Variants in KMT2B observed in about 807,000 individuals in gnomAD.
KMT2B encodes the protein histone-lysine N-methyltransferase 2B.
KMT2B carries 22 observed loss-of-function variants against 255.3 expected under a neutral mutation model. That is an observed-to-expected ratio of 0.09 (90% confidence interval 0.06 to 0.12). The LOEUF (loss-of-function observed/expected upper bound fraction) is 0.12. Ranked by LOEUF, KMT2B falls within the 10% of genes least tolerant of loss-of-function variation. The pLI is 1.00. For synonymous variants in KMT2B, 1,730 were observed against 1,498.1 expected (o/e 1.15, Z -3.57); for missense variants, 3,149 against 3,737.0 (o/e 0.84, Z 4.10).
At chr19:35,721,933 G>T in intron 3 of KMT2B, 129 bp downstream of exon 3, 5 of 1,266,602 alleles carry the variant, frequency 3.9e-6, no homozygotes, top group Non-Finnish European at 5.3e-6. Context: ...GCCTTTCTGT[G>T]ATCCCCCACC....
intron 2 of KMT2B, 37 bp downstream of exon 2, chr19:35,719,578 A>G: frequency 1.3e-6 from 2 of 1,564,236 alleles, no homozygotes; most frequent in African/African-American, 1.4e-5. Flanking sequence ...TTAGCGTCAC[A>G]GGAATTTATC....
Position 35,720,452 on chromosome 19 carries a change from AAAG to A in KMT2B, c.1117_1119del (p.Glu373del), listed in dbSNP as rs201152143. 4,697 of 1,551,912 alleles carry A rather than the reference AAAG, an allele frequency of 3.0e-3. 134 individuals carry two copies. In the African/African-American group the frequency reaches 0.054, roughly 18 times the overall value. On this transcript the variant is annotated inframe_deletion, in exon 3 of 37. Transcript: ENST00000420124. Reference sequence around the variant, plus strand: ...GCTGGATGACGAGGAAGAAGAGAAGAAAGAAGAAGAAGAAAAAGACAAGGAGGG... The same window carrying A: ...GCTGGATGACGAGGAAGAAGAGAAGAAAGAAGAAGAAAAAGACAAGGAGGG...
intron 8 of KMT2B, 135 bp downstream of exon 8, chr19:35,724,142 G>A (rs1969330870): frequency 3.7e-6 from 3 of 807,304 alleles, no homozygotes; most frequent in African/African-American, 3.5e-5. Flanking sequence ...GGAGGAGACA[G>A]TTTTTAGGTG....
Position 35,736,677 on chromosome 19 carries a change from T to C in KMT2B, c.7160-13T>C, listed in dbSNP as rs1006924067. 1 of 1,612,874 alleles carries C rather than the reference T, an allele frequency of 6.2e-7. No individual in the cohort carries two copies. The highest frequency in any genetic ancestry group is 1.3e-5 in the African/African-American group (1 of 74,886). On this transcript the variant is annotated splice_polypyrimidine_tract_variant and intron_variant, in intron 30 of 36. Transcript: ENST00000420124. ...AAGGGTGATCTTCACTCCAACCTGC[T>C]TCTTGGGACCAGGTGAGGCTTCGAG...
At chr19:35,728,489 TG>T (rs1157693963) in intron 19 of KMT2B, among the ~76,000 whole-genome samples, 5 of 12,314 alleles carry the variant, frequency 4.1e-4, no homozygotes, top group Non-Finnish European at 6.6e-4. Context: ...CAGGGGGCGG[TG>T]GGGGCCCGGA....
At position 35,720,954 on chromosome 19, in the gene KMT2B, C is replaced by T. The variant is rs748289035; in HGVS notation, c.1607C>T (p.Ser536Phe). Residue 536 changes from serine (S) to phenylalanine (F), a missense_variant, in exon 3 of 37, where the codon TCC becomes TTC. Ser to Phe is a radical substitution (Grantham distance 155, BLOSUM62 -2). Transcript: ENST00000420124. ...QFIMPVVSAR[S>F]SRVIKTPRRF... ...ATTATGCCTGTGGTGAGTGCCCGCT[C>T]CTCCCGTGTCATCAAGACACCCCGG... 6.2e-7 allele frequency: 1 copy of T among 1,612,272 alleles called. No individual in the cohort carries two copies. Among genetic ancestry groups the T allele is most frequent in the Non-Finnish European group, 8.5e-7 (1 of 1,179,384 alleles).
In KMT2B at chr19:35,720,161, C is replaced by T. The variant is rs1969125194; in HGVS notation, c.814C>T (p.Pro272Ser). 2 of 1,601,720 alleles carry T rather than the reference C, an allele frequency of 1.2e-6. No individual in the cohort carries two copies. The highest frequency in any genetic ancestry group is 2.7e-5 in the African/African-American group (2 of 74,776). The stretch of plus-strand genomic sequence containing the variant: ...TGGCAGCTGGAAATGCAAGGAGGGG[C>T]CCGGTCCAGGACCTGGGACCCCCAG... The part of the protein sequence containing the change: ...QTGSWKCKEG[P>S]GPGPGTPRRG... The change falls in exon 3 of 37, where the codon CCC becomes TCC. Residue 272 changes from proline to serine, a missense_variant. By Grantham distance (74) the Pro-to-Ser change is moderately conservative. Transcript: ENST00000420124.
At chr19:35,731,879 C>T in intron 26 of KMT2B, 29 bp from the exon 27 acceptor site, 1 of 1,528,958 alleles carries the variant, frequency 6.5e-7, no homozygotes, top group Non-Finnish European at 9.1e-7. Context: ...GAGCCCCTAC[C>T]ACCCCAATGC....
At position 35,733,812 on chromosome 19, in the gene KMT2B, C is replaced by T. The variant is rs1280550594; in HGVS notation, c.7099C>T (p.Pro2367Ser). Reference protein sequence around the residue: ...PLLPLPEDGPPQVPDGPPDLL... With the variant: ...PLLPLPEDGPSQVPDGPPDLL... Reference sequence around the variant, plus strand: ...GCTGCCACTTCCGGAAGATGGTCCTCCCCAGGTCCCCGATGGTCCCCCAGA... The same window carrying T: ...GCTGCCACTTCCGGAAGATGGTCCTTCCCAGGTCCCCGATGGTCCCCCAGA... The change falls in exon 30 of 37, where the codon CCC becomes TCC. Residue 2367 changes from proline to serine, a missense_variant. This residue lies in a region of KMT2B where 897 missense variants were observed against 825.3 expected (regional missense o/e 1.09). Coordinates refer to ENST00000420124, the MANE Select transcript of KMT2B (RefSeq NM_014727.3). This position sits in a 1 kb window ranked among gnomAD's most constrained non-coding sequence, Gnocchi z 4.3. The T allele has an allele frequency of 5.0e-6, 8 of 1,613,680 alleles. No individual in the cohort carries two copies. The highest frequency in any genetic ancestry group is 6.8e-6 in the Non-Finnish European group (8 of 1,179,682).
At chr19:35,726,059 C>T (rs891591969) in intron 13 of KMT2B, among the ~76,000 whole-genome samples, 177 bp from the exon 14 acceptor site, 6 of 152,288 alleles carry the variant, frequency 3.9e-5, no homozygotes, top group South Asian at 2.1e-4. Context: ...CTGCTATAGC[C>T]TGATGTCCTC....
At position 35,729,194 on chromosome 19, in the gene KMT2B, G is replaced by A; in HGVS notation, c.4815G>A (p.Glu1605=). ...AGRLLYIGQN[E]WTHVNCAIWS... is the part of the protein sequence containing the mutation. ...GGCTCTTGTACATCGGGCAGAACGA[G>A]TGGACACACGTCAACTGTGCCATCT... The change falls in exon 22 of 37, where the codon GAG becomes GAA. Residue 1605 remains glutamate (E), a synonymous_variant. Coordinates refer to ENST00000420124, the MANE Select transcript of KMT2B (RefSeq NM_014727.3). 6.2e-7 allele frequency: 1 copy of A among 1,612,916 alleles called. No homozygotes were observed. The highest frequency in any genetic ancestry group is 1.1e-5 in the South Asian group (1 of 90,868).
chr19:35,733,453 G>C lies in KMT2B; in HGVS notation c.6904G>C (p.Glu2302Gln). The C allele has an allele frequency of 6.4e-7, 1 of 1,560,908 alleles. No individual in the cohort carries two copies. Among genetic ancestry groups the C allele is most frequent in the Non-Finnish European group, 8.7e-7 (1 of 1,152,814 alleles). The change falls in exon 28 of 37, where the codon GAA (glutamate) becomes CAA (glutamine). Residue 2302 changes from glutamate (E) to glutamine (Q), a missense_variant. Coordinates refer to ENST00000420124, the MANE Select transcript of KMT2B (RefSeq NM_014727.3). This position sits in a 1 kb window ranked among gnomAD's most constrained non-coding sequence, Gnocchi z 4.3. ...CCCATACAAAGCCCCCCGGCTGGAT[G>C]AAGATGGAGAGGCCTCAGAGGATAC... ...PPPYKAPRLD[E>Q]DGEASEDTPQ...
chr19:35,738,039 T>G lies in KMT2B; in HGVS notation c.7743-23T>G. 2 of 1,613,712 alleles carry G rather than the reference T, an allele frequency of 1.2e-6. No homozygotes were observed. Among genetic ancestry groups the G allele is most frequent in the Non-Finnish European group, 1.7e-6 (2 of 1,179,778 alleles). The stretch of plus-strand genomic sequence containing the variant: ...GTTTCTGTCCCCCTCCCCCCTGAGT[T>G]CCCTGTTCATCCTGCCCTGCAGATC... On this transcript the variant is annotated intron_variant, in intron 35 of 36. Coordinates refer to ENST00000420124, the MANE Select transcript of KMT2B (RefSeq NM_014727.3). The surrounding 1 kb of genome is among the most constrained non-coding windows in gnomAD (Gnocchi z 8.7).
chr19:35,733,105 C>A lies in KMT2B; in HGVS notation c.6556C>A (p.Pro2186Thr). 6.3e-7 allele frequency: 1 copy of A among 1,580,690 alleles called. No homozygotes were observed. The highest frequency in any genetic ancestry group is 8.6e-7 in the Non-Finnish European group (1 of 1,162,120). ...TGGCCCTGCCCCTGAGCCCCCCAAA[C>A]CCGCCACATCCAAAATCATACTTGT... ...SLGPAPEPPK[P>T]ATSKIILVNK... is the part of the protein sequence containing the mutation. Residue 2186 changes from proline (P) to threonine (T), a missense_variant, in exon 28 of 37, where the codon CCC (proline) becomes ACC (threonine). Pro to Thr is a conservative substitution (Grantham distance 38). This residue lies in a region of KMT2B where 897 missense variants were observed against 825.3 expected (regional missense o/e 1.09). Coordinates refer to ENST00000420124, the MANE Select transcript of KMT2B (RefSeq NM_014727.3). The surrounding 1 kb of genome is among the most constrained non-coding windows in gnomAD (Gnocchi z 4.3).
Position 35,721,700 on chromosome 19 carries a change from C to G in KMT2B, c.2353C>G (p.Leu785Val). Residue 785 changes from leucine (L) to valine (V), a missense_variant, in exon 3 of 37, where the codon CTG (leucine) becomes GTG (valine). Transcript: ENST00000420124. ...GATTGCGGGCGTGGGTTCCTTGCCG[C>G]TGTCTGGGGTAGAGGAGAAGATGTT... ...ARIAGVGSLP[L>V]SGVEEKMFSL... 1 of 1,610,756 alleles carries G rather than the reference C, an allele frequency of 6.2e-7. No homozygotes were observed. The highest frequency in any genetic ancestry group is 2.2e-5 in the East Asian group (1 of 44,722).
chr19:35,718,463 G>A lies in KMT2B; in HGVS notation c.363+82G>A. The A allele has an allele frequency of 5.0e-6, 6 of 1,197,248 alleles. No individual in the cohort carries two copies. Among genetic ancestry groups the A allele is most frequent in the Non-Finnish European group, 6.3e-6 (6 of 958,060 alleles). The allele number at this position is 1,197,248 out of a possible 1,614,324, so 74.2% of individuals were successfully genotyped here. ...GGGTCTGGGTTGTCCCGGGGGCGGC[G>A]TGGGCAGGCCGGGTCCTCAGGGTTC... On this transcript the variant is annotated intron_variant, in intron 1 of 36. Coordinates refer to ENST00000420124, the MANE Select transcript of KMT2B (RefSeq NM_014727.3). This position sits in a 1 kb window ranked among gnomAD's most constrained non-coding sequence, Gnocchi z 5.0.
Position 35,726,179 on chromosome 19 carries a change from C to T in KMT2B, c.3886-57C>T. On this transcript the variant is annotated intron_variant, in intron 13 of 36. Coordinates refer to ENST00000420124, the MANE Select transcript of KMT2B (RefSeq NM_014727.3). Reference sequence around the variant, plus strand: ...CCAATTCCTCCTCGCCCGTCTCCCGCTCATGTTGCTCCAGTCCAGTGCCTG... The same window carrying T: ...CCAATTCCTCCTCGCCCGTCTCCCGTTCATGTTGCTCCAGTCCAGTGCCTG... 2.3e-6 allele frequency: 3 copies of T among 1,332,824 alleles called. No homozygotes were observed. In the South Asian group the frequency reaches 3.6e-5, roughly 16 times the overall value. The allele number at this position is 1,332,824 out of a possible 1,614,324, so 82.6% of individuals were successfully genotyped here. A position where few individuals can be genotyped will look rare whatever the true frequency, so the allele number is the denominator to read the frequency against.
rs770499978 is a variant in KMT2B at position 35,733,041 on chromosome 19, C to T, written c.6492C>T (p.Ala2164=). 1.1e-5 allele frequency: 17 copies of T among 1,588,140 alleles called. No homozygotes were observed. The South Asian group carries it at 1.7e-4, about 16-fold the overall frequency. ...ASPADPTRTF[A]WLPGAPGVRV... is the part of the protein sequence containing the mutation. ...CAGCTGACCCCACCCGCACATTTGC[C>T]TGGCTCCCAGGGGCCCCAGGGGTCC... The change falls in exon 28 of 37, where the codon GCC becomes GCT. Residue 2164 remains alanine, a synonymous_variant. Transcript: ENST00000420124. The surrounding 1 kb of genome is among the most constrained non-coding windows in gnomAD (Gnocchi z 4.3).
At position 35,732,629 on chromosome 19, in the gene KMT2B, A is replaced by C. The variant is rs1969751097; in HGVS notation, c.6080A>C (p.Glu2027Ala). The stretch of plus-strand genomic sequence containing the variant: ...GGCCCGGGGGACAGCTCCGAGGAGG[A>C]GTCCAGCCCCACCTCCCGCTACATC... Reference protein sequence around the residue: ...HGGPGDSSEEESSPTSRYIHF... With the variant: ...HGGPGDSSEEASSPTSRYIHF... Residue 2027 changes from glutamate to alanine, a missense_variant, in exon 28 of 37, where the codon GAG becomes GCG. This residue lies in a region of KMT2B where 897 missense variants were observed against 825.3 expected (regional missense o/e 1.09). Coordinates refer to ENST00000420124, the MANE Select transcript of KMT2B (RefSeq NM_014727.3). 2 of 1,611,392 alleles carry C rather than the reference A, an allele frequency of 1.2e-6. No homozygotes were observed. Among genetic ancestry groups the C allele is most frequent in the African/African-American group, 1.3e-5 (1 of 75,008 alleles).
Sources: gnomAD v4.1 joint callset for allele counts (sites outside exome capture counted in the v4.1 genomes callset) on GRCh38, gnomAD v4.1.1 for gene constraint, gnomAD v4.1.1 regional missense constraint, Gnocchi (gnomAD v3.1) non-coding constraint, MANE v1.5 for transcripts, NCBI Gene and HGNC (gene_info 2026-07-23, HGNC 2026-07-21) for gene names.